The following ECE1 variants were observed in gnomAD, a reference collection of about 807,000 sequenced individuals.
ECE1 encodes endothelin converting enzyme 1, also known as endothelin-converting enzyme 1.
In ECE1, 35 loss-of-function variants were observed where a neutral mutation model predicts 98.6. That is an observed-to-expected ratio of 0.35 (90% CI 0.27 to 0.47). The LOEUF is 0.47. Among genes scored for constraint, ECE1 ranks in the 20% least tolerant of loss-of-function variants. ECE1 has a pLI of 1.00. For missense variants in ECE1, 814 were observed against 1,025.3 expected, an observed-to-expected ratio of 0.79 and a Z score of 2.81; for synonymous variants, 394 against 407.1, an observed-to-expected ratio of 0.97 and a Z score of 0.39.
chr1:21,329,618 G>A (rs888292364), intron 1 of ECE1, among the ~76,000 whole-genome samples: 9 of 152,202 alleles, frequency 5.9e-5, no homozygotes, highest in Admixed American at 1.3e-4. Context: ...CTTATGCAAA[G>A]CACAGTTCAT....
chr1:21,227,666 G>A (rs970498380), intron 15 of ECE1, among the ~76,000 whole-genome samples: 2 of 152,154 alleles, frequency 1.3e-5, no homozygotes, highest in Admixed American at 1.3e-4. Context: ...CTCTGACTGT[G>A]TTATAACATT....
intron 9 of ECE1, 41 bp downstream of exon 9, chr1:21,247,180 T>A (rs1299096544): frequency 6.2e-7 from 1 of 1,613,594 alleles, no homozygotes; most frequent in Non-Finnish European, 8.5e-7. Flanking sequence ...AAGAGGGCTG[T>A]CTGTGAGAGG....
At chr1:21,339,240 C>G (rs1290478606) in intron 1 of ECE1, among the ~76,000 whole-genome samples, 2 of 152,162 alleles carry the variant, frequency 1.3e-5, no homozygotes, top group Non-Finnish European at 2.9e-5. Flanking sequence ...AAGAAAAGGT[C>G]TAACTGTCAA....
chr1:21,219,778 A>C lies in ECE1; in HGVS notation c.*177T>G. ...GATGTCCGGCTCTTCACAGGGGATC[A>C]GACTGCGGGTCACGTTGAGAGCCAA... On this transcript the variant is annotated 3_prime_UTR_variant, in exon 19 of 19. Coordinates refer to ENST00000374893, the MANE Select transcript of ECE1 (RefSeq NM_001397.3). This position sits in a 1 kb window ranked among gnomAD's most constrained non-coding sequence, Gnocchi z 4.5. The C allele has an allele frequency of 1.3e-6, 1 of 753,246 alleles. No individual in the cohort carries two copies. 46.7% of individuals were successfully genotyped at this position (753,246 alleles called of 1,614,324 possible).
At position 21,345,094 on chromosome 1, in the gene ECE1, A is replaced by C; in HGVS notation, c.3+282T>G. 1 of 234,554 alleles carries C rather than the reference A, an allele frequency of 4.3e-6. No homozygotes were observed. The highest frequency in any genetic ancestry group is 8.0e-6 in the Non-Finnish European group (1 of 125,534). The allele number at this position is 234,554 out of a possible 1,614,324, so 14.5% of individuals were successfully genotyped here. On this transcript the variant is annotated intron_variant, in intron 1 of 18. Coordinates refer to the ECE1 transcript ENST00000415912. This position sits in a 1 kb window ranked among gnomAD's most constrained non-coding sequence, Gnocchi z 5.1. Reference sequence around the variant, plus strand: ...AAACAGACCGCAGCAACCGTCCCCAAAGCGAACCGGGGACCCCGAGCCCCC... The same window carrying C: ...AAACAGACCGCAGCAACCGTCCCCACAGCGAACCGGGGACCCCGAGCCCCC...
intron 17 of ECE1, chr1:21,222,196 A>C: frequency 3.1e-6 from 1 of 318,020 alleles, no homozygotes; most frequent in East Asian, 7.5e-5. Flanking sequence ...ACATACACAC[A>C]ACTTTTCCCA....
At chr1:21,301,234 C>T (rs1443474423) in intron 1 of ECE1, among the ~76,000 whole-genome samples, 1 of 152,198 alleles carries the variant, frequency 6.6e-6, no homozygotes, top group Non-Finnish European at 1.5e-5. Context: ...GTGGCTCACA[C>T]CTGCAATCCC....
Position 21,345,500 on chromosome 1 carries a change from C to T in ECE1, c.-122G>A. ...GCTCGGCTGCCTGGCCCAGGCGGCGCGCTCAGCTCCAGCGGGCGAGCTCGC... is the reference window on the plus strand; with the variant it reads ...GCTCGGCTGCCTGGCCCAGGCGGCGTGCTCAGCTCCAGCGGGCGAGCTCGC... On this transcript the variant is annotated 5_prime_UTR_variant, in exon 1 of 19. Transcript: ENST00000415912. This position sits in a 1 kb window ranked among gnomAD's most constrained non-coding sequence, Gnocchi z 5.1. The T allele has an allele frequency of 2.0e-6, 2 of 976,500 alleles. No individual in the cohort carries two copies. Among genetic ancestry groups the T allele is most frequent in the Non-Finnish European group, 2.6e-6 (2 of 765,622 alleles). 60.5% of individuals were successfully genotyped at this position (976,500 alleles called of 1,614,324 possible). A position where few individuals can be genotyped will look rare whatever the true frequency, so the allele number is the denominator to read the frequency against.
chr1:21,254,414 C>T lies in ECE1; in HGVS notation c.1020+1533G>A, dbSNP rs115716053. 7.3e-3 allele frequency among the ~76,000 whole-genome samples: 1,109 copies of T among 152,198 alleles called. 10 individuals carry two copies. Among genetic ancestry groups the T allele is most frequent in the Non-Finnish European group, 0.011 (745 of 68,020 alleles). ...GCTTGTGTACTACAAGCTGCTGAGT[C>T]TGCTAAACTCCCCCCACCTTGGCAG... On this transcript the variant is annotated intron_variant, in intron 8 of 18. Coordinates refer to ENST00000374893, the MANE Select transcript of ECE1 (RefSeq NM_001397.3).
rs1318595556 is a variant in ECE1 at position 21,327,652 on chromosome 1, C to T, written c.3+17724G>A. 3.9e-5 allele frequency among the ~76,000 whole-genome samples: 6 copies of T among 152,196 alleles called. No homozygotes were observed. The highest frequency in any genetic ancestry group is 7.3e-5 in the Non-Finnish European group (5 of 68,034). ...AAAATAAAGCCTCACCTGGTCTGCA[C>T]GGCCCTGCGGGACCCAGCCCTGACC... is the stretch of plus-strand genomic sequence containing the variant. On this transcript the variant is annotated intron_variant, in intron 1 of 18. Transcript: ENST00000415912. This position sits in a 1 kb window ranked among gnomAD's most constrained non-coding sequence, Gnocchi z 4.6.
At chr1:21,338,701 G>A (rs754658828) in intron 1 of ECE1, among the ~76,000 whole-genome samples, 37 of 152,248 alleles carry the variant, frequency 2.4e-4, no homozygotes, top group Non-Finnish European at 3.7e-4. Context: ...GGAGGACAAG[G>A]ATTAGTGGCA....
chr1:21,266,101 G>A (rs1030168192), intron 4 of ECE1: 6 of 152,280 alleles, frequency 3.9e-5, no homozygotes, highest in Admixed American at 1.3e-4. Flanking sequence ...ACTCCTCAGG[G>A]AGGAAATGAA....
At chr1:21,283,329 G>A (rs1349498441) in intron 2 of ECE1, among the ~76,000 whole-genome samples, 1 of 151,432 alleles carries the variant, frequency 6.6e-6, no homozygotes, top group Non-Finnish European at 1.5e-5. Context: ...GGAGTGCAGT[G>A]GAGAGGTCTC....
intron 2 of ECE1, among the ~76,000 whole-genome samples, chr1:21,284,700 G>A (rs1207603745): frequency 6.6e-6 from 1 of 152,218 alleles, no homozygotes; most frequent in Non-Finnish European, 1.5e-5. Flanking sequence ...GGTGAGGATG[G>A]GGCCTGCTGC....
chr1:21,254,301 G>A (rs2098217115), intron 8 of ECE1, among the ~76,000 whole-genome samples: 1 of 151,498 alleles, frequency 6.6e-6, no homozygotes, highest in Non-Finnish European at 1.5e-5. Context: ...GAACACAGAG[G>A]CTGTTTGGCC....
rs774735658 is a variant in ECE1, at chr1:21,245,027, C to T, written c.1240G>A (p.Asp414Asn). The T allele has an allele frequency of 3.7e-6, 6 of 1,614,194 alleles. No homozygotes were observed. Among genetic ancestry groups the T allele is most frequent in the East Asian group, 2.2e-5 (1 of 44,880 alleles). ...TACATGACTTCCATGAACTTCTCAT[C>T]GGCGTCCTGAAAGCGCTGGTCAAGG... ...SFLDQRFQDADEKFMEVMYGT... is the reference protein window; with the variant it reads ...SFLDQRFQDANEKFMEVMYGT... The change falls in exon 10 of 19, where the codon GAT becomes AAT. Residue 414 changes from aspartate (D) to asparagine (N), a missense_variant. Around this residue, in one of 3 missense-constraint regions of ECE1, gnomAD observed 452 missense variants for 567.3 expected, o/e 0.80. Coordinates refer to ENST00000374893, the MANE Select transcript of ECE1 (RefSeq NM_001397.3).
At chr1:21,223,994 C>G (rs570670507) in intron 17 of ECE1, among the ~76,000 whole-genome samples, 1 of 152,228 alleles carries the variant, frequency 6.6e-6, no homozygotes, top group South Asian at 2.1e-4. Flanking sequence ...AACCAAAGGT[C>G]CTTCCTTAGC....
intron 9 of ECE1, among the ~76,000 whole-genome samples, chr1:21,245,955 C>T (rs1252477605): frequency 6.6e-6 from 1 of 152,076 alleles, no homozygotes; most frequent in Non-Finnish European, 1.5e-5. Flanking sequence ...ACCACAAGAT[C>T]AACAGGAGTC....
intron 8 of ECE1, among the ~76,000 whole-genome samples, chr1:21,255,574 T>C (rs889954684): frequency 2.0e-5 from 3 of 152,172 alleles, no homozygotes; most frequent in South Asian, 4.1e-4. Flanking sequence ...ATCCACACCA[T>C]GCATTTATTA....
Sources: allele counts gnomAD v4.1 joint callset (sites outside exome capture counted in the v4.1 genomes callset), GRCh38; gene constraint gnomAD v4.1.1; regional missense constraint gnomAD v4.1.1; non-coding constraint Gnocchi (gnomAD v3.1); transcripts MANE v1.5; gene names NCBI Gene and HGNC (gene_info 2026-07-23, HGNC 2026-07-21).